Variants in CHRNA2 observed in about 807,000 individuals in gnomAD.
The protein encoded by CHRNA2 is neuronal acetylcholine receptor subunit alpha-2.
A neutral mutation model predicts 45.5 loss-of-function variants in CHRNA2; 40 were observed. The ratio of observed to expected loss-of-function variants is 0.88; its 90% CI spans 0.68 to 1.15. CHRNA2 has a LOEUF of 1.15. Ranked by LOEUF, CHRNA2 falls within the 50% of genes most tolerant of loss-of-function variation. The pLI, the probability that CHRNA2 is intolerant of heterozygous loss-of-function variation, is 0.00. For missense variants in CHRNA2, 655 were observed against 701.7 expected, an observed-to-expected ratio of 0.93 and a Z score of 0.75; for synonymous variants, 301 against 296.7, an observed-to-expected ratio of 1.01 and a Z score of -0.15.
chr8:27,474,613 G>T (rs965770599), intron 1 of CHRNA2, among the ~76,000 whole-genome samples: 1 of 152,210 alleles, frequency 6.6e-6, no homozygotes, highest in African/African-American at 2.4e-5. Context: ...GCCTCCAGGG[G>T]GAGAAGCAGG....
chr8:27,464,100 G>T, intron 5 of CHRNA2, 107 bp from the exon 6 acceptor site: 5 of 1,292,888 alleles, frequency 3.9e-6, no homozygotes, highest in Non-Finnish European at 5.5e-6. Flanking sequence ...GTCAGACCCG[G>T]CCACACTGGC....
Position 27,474,090 on chromosome 8 carries a change from A to T in CHRNA2, c.-136-2896T>A, listed in dbSNP as rs78908411. The stretch of plus-strand genomic sequence containing the variant: ...AAACGGGATCACTTGTGCCCATGAA[A>T]GTCCCCGGGGAACTGCAGAGGGCTG... On this transcript the variant is annotated intron_variant, in intron 1 of 6. Transcript: ENST00000407991. Among the ~76,000 whole-genome samples, 1,123 of 152,276 alleles carry T rather than the reference A, an allele frequency of 7.4e-3. 13 individuals are homozygous for T. Among genetic ancestry groups the T allele is most frequent in the African/African-American group, 0.026 (1,062 of 41,550 alleles).
At chr8:27,466,623 A>G (rs1812706557) in intron 5 of CHRNA2, among the ~76,000 whole-genome samples, 2 of 152,260 alleles carry the variant, frequency 1.3e-5, no homozygotes, top group African/African-American at 4.8e-5. Flanking sequence ...TTCTAAGGGA[A>G]GAATTGTCTG....
chr8:27,469,758 C>T lies in CHRNA2; in HGVS notation c.294+3G>A. 6.2e-7 allele frequency: 1 copy of T among 1,614,156 alleles called. No homozygotes were observed. The highest frequency in any genetic ancestry group is 8.5e-7 in the Non-Finnish European group (1 of 1,180,030). ...CGGGCCAGCGGTGGGAAGACAGGCG[C>T]ACCACATCGATGAGCTGAGCGATGG... On this transcript the variant is annotated splice_donor_region_variant and intron_variant, in intron 3 of 6. Coordinates refer to ENST00000407991, the MANE Select transcript of CHRNA2 (RefSeq NM_000742.4).
chr8:27,473,122 A>C (rs1812942212), intron 1 of CHRNA2, among the ~76,000 whole-genome samples: 1 of 152,198 alleles, frequency 6.6e-6, no homozygotes, highest in African/African-American at 2.4e-5. Context: ...AAGCTTACAC[A>C]TTCAAATTAG....
At chr8:27,461,795 G>C in intron 6 of CHRNA2, 41 bp from the exon 7 acceptor site, 1 of 1,613,566 alleles carries the variant, frequency 6.2e-7, no homozygotes, top group Non-Finnish European at 8.5e-7. Flanking sequence ...GCCAGGCCTG[G>C]GAAAGGGATG....
chr8:27,468,224 G>T (rs1322518960), intron 4 of CHRNA2, among the ~76,000 whole-genome samples: 1 of 152,174 alleles, frequency 6.6e-6, no homozygotes, highest in Non-Finnish European at 1.5e-5. Flanking sequence ...CCCCAACCCT[G>T]AAGCCCAGGT....
At position 27,461,306 on chromosome 8, in the gene CHRNA2, G is replaced by T; in HGVS notation, c.*323C>A. 2.8e-6 allele frequency: 1 copy of T among 362,234 alleles called. No individual in the cohort carries two copies. Among genetic ancestry groups the T allele is most frequent in the Non-Finnish European group, 5.2e-6 (1 of 191,228 alleles). The allele number at this position is 362,234 out of a possible 1,614,324, so 22.4% of individuals were successfully genotyped here. On this transcript the variant is annotated 3_prime_UTR_variant, in exon 7 of 7. Transcript: ENST00000407991. ...GTCACCCTGGCCCCACTGTCCCCCT[G>T]GTTGACCCTTCTGTCACTTAGGGTC...
Position 27,463,363 on chromosome 8 carries a change from G to A in CHRNA2, c.1080C>T (p.His360=). The A allele has an allele frequency of 1.3e-5, 21 of 1,614,054 alleles. No homozygotes were observed. Among genetic ancestry groups the A allele is most frequent in the Non-Finnish European group, 1.6e-5 (19 of 1,180,042 alleles). ...LNVHHRSPST[H]TMPHWVRGAL... Reference sequence around the variant, plus strand: ...CCCCCCGCACCCAGTGGGGCATGGTGTGGGTGCTGGGGGAGCGGTGGTGCA... The same window carrying A: ...CCCCCCGCACCCAGTGGGGCATGGTATGGGTGCTGGGGGAGCGGTGGTGCA... Residue 360 remains histidine, a synonymous_variant, in exon 6 of 7, where the codon CAC becomes CAT. Transcript: ENST00000407991. The surrounding 1 kb of genome is among the most constrained non-coding windows in gnomAD (Gnocchi z 6.1).
rs563456657 is a variant in CHRNA2 at position 27,462,170 on chromosome 8, G to C, written c.1465-416C>G. 2.0e-5 allele frequency among the ~76,000 whole-genome samples: 3 copies of C among 152,350 alleles called. No homozygotes were observed. In the South Asian group the frequency reaches 6.2e-4, roughly 32 times the overall value. On this transcript the variant is annotated intron_variant, in intron 6 of 6. Coordinates refer to ENST00000407991, the MANE Select transcript of CHRNA2 (RefSeq NM_000742.4). ...ACCCACCTGCTGGAGCTGGGGAGAGGGAAACAGGCGAAGGTGGTTGGGACC... is the reference window on the plus strand; with the variant it reads ...ACCCACCTGCTGGAGCTGGGGAGAGCGAAACAGGCGAAGGTGGTTGGGACC...
intron 1 of CHRNA2, among the ~76,000 whole-genome samples, chr8:27,472,094 G>A (rs1380174356): frequency 6.6e-6 from 1 of 152,196 alleles, no homozygotes; most frequent in Non-Finnish European, 1.5e-5. Flanking sequence ...GTTCCTGAGG[G>A]GTGATGAGCC....
Position 27,469,959 on chromosome 8 carries a change from T to C in CHRNA2, c.96A>G (p.Pro32=). Residue 32 remains proline, a synonymous_variant, in exon 3 of 7, where the codon CCA becomes CCG. Coordinates refer to ENST00000407991, the MANE Select transcript of CHRNA2 (RefSeq NM_000742.4). ...GTGGGTCTCCAGGAGCCCTGGGAGG[T>C]GGGCGCTTAGCTTCCTCTCCACCTG... ...TPAGGEEAKR[P]PPRAPGDPLS... 6.2e-7 allele frequency: 1 copy of C among 1,613,228 alleles called. No homozygotes were observed. The highest frequency in any genetic ancestry group is 8.5e-7 in the Non-Finnish European group (1 of 1,179,834).
intron 1 of CHRNA2, among the ~76,000 whole-genome samples, chr8:27,472,005 A>G (rs969033064): frequency 2.0e-5 from 3 of 152,170 alleles, no homozygotes; most frequent in Non-Finnish European, 4.4e-5. Flanking sequence ...GGATTAATCA[A>G]TCGTGCTGCA....
At position 27,461,520 on chromosome 8, in the gene CHRNA2, C is replaced by CA; in HGVS notation, c.*108_*109insT. On this transcript the variant is annotated 3_prime_UTR_variant, in exon 7 of 7. Coordinates refer to ENST00000407991, the MANE Select transcript of CHRNA2 (RefSeq NM_000742.4). ...TCCCTGGGTCAGTGTCCAGACTCCG[C>CA]GGAGAGGCACCTGCTCATCCCAAAG... is the stretch of plus-strand genomic sequence containing the variant. 6.7e-7 allele frequency: 1 copy of CA among 1,491,212 alleles called. No individual in the cohort carries two copies. Among genetic ancestry groups the CA allele is most frequent in the Non-Finnish European group, 9.2e-7 (1 of 1,081,396 alleles). The allele number at this position is 1,491,212 out of a possible 1,614,324, so 92.4% of individuals were successfully genotyped here.
At chr8:27,465,792 G>A (rs1467633450) in intron 5 of CHRNA2, among the ~76,000 whole-genome samples, 1 of 152,122 alleles carries the variant, frequency 6.6e-6, no homozygotes, top group East Asian at 1.9e-4. Flanking sequence ...GGCAACATGT[G>A]CTCACTTGGG....
At chr8:27,477,815 C>T (rs934875197) in intron 1 of CHRNA2, among the ~76,000 whole-genome samples, 1 of 152,100 alleles carries the variant, frequency 6.6e-6, no homozygotes, top group Non-Finnish European at 1.5e-5. Flanking sequence ...ATGGGGTACA[C>T]AGAGAAGCCT....
In CHRNA2 at chr8:27,461,602, C is replaced by T; in HGVS notation, c.*27G>A. 1 of 1,613,950 alleles carries T rather than the reference C, an allele frequency of 6.2e-7. No individual in the cohort carries two copies. The highest frequency in any genetic ancestry group is 8.5e-7 in the Non-Finnish European group (1 of 1,179,862). Reference sequence around the variant, plus strand: ...TCAAAAGATGGTCAGCGGGGGTGCCCTGGGAGCCAGCTCGAGGGAGGTGCA... The same window carrying T: ...TCAAAAGATGGTCAGCGGGGGTGCCTTGGGAGCCAGCTCGAGGGAGGTGCA... On this transcript the variant is annotated 3_prime_UTR_variant, in exon 7 of 7. Coordinates refer to ENST00000407991, the MANE Select transcript of CHRNA2 (RefSeq NM_000742.4).
chr8:27,474,827 G>A (rs189457653), intron 1 of CHRNA2, among the ~76,000 whole-genome samples: 1 of 152,360 alleles, frequency 6.6e-6, no homozygotes, highest in Non-Finnish European at 1.5e-5. Flanking sequence ...CTGGGCATCA[G>A]CAGCTTCTGT....
chr8:27,463,768 G>A lies in CHRNA2; in HGVS notation c.675C>T (p.Tyr225=). 4 of 1,614,176 alleles carry A rather than the reference G, an allele frequency of 2.5e-6. No individual in the cohort carries two copies. The highest frequency in any genetic ancestry group is 3.4e-6 in the Non-Finnish European group (4 of 1,180,032). The part of the protein sequence containing the change: ...QMEQTVDLKD[Y]WESGEWAIVN... ...CGATGGCCCACTCGCCGCTCTCCCA[G>A]TAGTCCTTCAGGTCCACAGTCTGCT... is the stretch of plus-strand genomic sequence containing the variant. Residue 225 remains tyrosine (Y), a synonymous_variant, in exon 6 of 7, where the codon TAC becomes TAT. Transcript: ENST00000407991. The surrounding 1 kb of genome is among the most constrained non-coding windows in gnomAD (Gnocchi z 6.1).
Sources: gnomAD v4.1 joint callset for allele counts (sites outside exome capture counted in the v4.1 genomes callset) on GRCh38, gnomAD v4.1.1 for gene constraint, Gnocchi (gnomAD v3.1) non-coding constraint, MANE v1.5 for transcripts, NCBI Gene and HGNC (gene_info 2026-07-23, HGNC 2026-07-21) for gene names.